The following ZPBP variants were observed in gnomAD, a reference collection of about 807,000 sequenced individuals.
The protein encoded by ZPBP is zona pellucida binding protein.
A neutral mutation model predicts 44.8 loss-of-function variants in ZPBP; 26 were observed. That is an observed-to-expected ratio of 0.58 (90% CI 0.43 to 0.81). ZPBP has a LOEUF of 0.81. Among genes scored for constraint, ZPBP ranks in the 30% least tolerant of loss-of-function variants. The pLI is 0.00. For missense variants in ZPBP, 409 were observed against 434.0 expected (o/e 0.94, Z 0.51); for synonymous variants, 174 against 153.2 (o/e 1.14, Z -1.00).
At chr7:49,926,061 G>A (rs1257791149) in intron 1 of ZPBP, among the ~76,000 whole-genome samples, 1 of 152,186 alleles carries the variant, frequency 6.6e-6, no homozygotes, top group Non-Finnish European at 1.5e-5. Context: ...GCAGTTCTGT[G>A]TAGTCACTTG....
the ZPBP span, among the ~76,000 whole-genome samples, chr7:49,844,593 AGATT>A: frequency 6.6e-6 from 1 of 152,242 alleles, no homozygotes; most frequent in Non-Finnish European, 1.5e-5. Context: ...GCAGCATGGA[AGATT>A]GTGAGAGCCC....
chr7:49,935,245 T>C (rs1466679803), downstream of ZPBP, among the ~76,000 whole-genome samples: 1 of 152,212 alleles, frequency 6.6e-6, no homozygotes, highest in Admixed American at 6.5e-5. Context: ...TATCCTAGTA[T>C]AATTGAATGT....
At position 49,962,680 on chromosome 7, in the gene ZPBP, T is replaced by A. The variant is rs149718317; in HGVS notation, c.961+20662A>T. ...GAGCAAATAGATCTTAAGAAAAAAG[T>A]AAAATTGTCTTTATTCTTGTGGAAT... is the stretch of plus-strand genomic sequence containing the variant. On this transcript the variant is annotated intron_variant, in intron 7 of 7. Transcript: ENST00000046087. 4.6e-5 allele frequency among the ~76,000 whole-genome samples: 7 copies of A among 151,990 alleles called. No individual in the cohort carries two copies. In the East Asian group the frequency reaches 1.3e-3, roughly 29 times the overall value.
At chr7:49,992,935 G>A (rs1170229666) in intron 6 of ZPBP, among the ~76,000 whole-genome samples, 2 of 152,026 alleles carry the variant, frequency 1.3e-5, no homozygotes, top group Non-Finnish European at 2.9e-5. Context: ...ACAATAACAA[G>A]TAGAAAAATA....
intron 1 of ZPBP, among the ~76,000 whole-genome samples, chr7:50,090,389 A>C (rs1333324764): frequency 6.6e-6 from 1 of 152,006 alleles, no homozygotes; most frequent in East Asian, 1.9e-4. Flanking sequence ...TTAGAATAAT[A>C]GTCTCCAATC....
chr7:50,065,302 C>T (rs571001595), intron 3 of ZPBP, among the ~76,000 whole-genome samples: 12 of 151,058 alleles, frequency 7.9e-5, no homozygotes, highest in Admixed American at 5.3e-4. Context: ...AGATCTAATA[C>T]AGGCCAGAGG....
At chr7:49,954,983 G>A (rs1025692211) in intron 7 of ZPBP, among the ~76,000 whole-genome samples, 1 of 152,112 alleles carries the variant, frequency 6.6e-6, no homozygotes, top group African/African-American at 2.4e-5. Flanking sequence ...TATAGAATAT[G>A]TTTTCTGAAC....
At position 49,983,843 on chromosome 7, in the gene ZPBP, T is replaced by C. The variant is rs184878861; in HGVS notation, c.784-324A>G. On this transcript the variant is annotated intron_variant, in intron 6 of 7. Coordinates refer to ENST00000046087, the MANE Select transcript of ZPBP (RefSeq NM_007009.3). ...CTTTGAAATTGATTAAGAAATGTAA[T>C]GTACTTTAAAATAATATATTATAAG... 4.6e-3 allele frequency among the ~76,000 whole-genome samples: 703 copies of C among 152,132 alleles called. 4 individuals are homozygous for C. The highest frequency in any genetic ancestry group is 0.016 in the African/African-American group (670 of 41,528).
intron 6 of ZPBP, among the ~76,000 whole-genome samples, chr7:50,001,674 C>T (rs889920213): frequency 3.3e-5 from 5 of 152,070 alleles, no homozygotes; most frequent in Non-Finnish European, 4.4e-5. Context: ...CTAAAGAGCA[C>T]AAAACAGATG....
chr7:50,091,305 C>T lies in ZPBP; in HGVS notation c.128-1596G>A, dbSNP rs140827420. 2.4e-3 allele frequency among the ~76,000 whole-genome samples: 372 copies of T among 152,186 alleles called. 1 individual carries two copies. The highest frequency in any genetic ancestry group is 8.2e-3 in the African/African-American group (341 of 41,530). On this transcript the variant is annotated intron_variant, in intron 1 of 7. Transcript: ENST00000046087. Reference sequence around the variant, plus strand: ...TGTCTGTTTACTCTGCTGACTGTTCCGTTTGCTGTGCAAAAGCTCTTTAGT... The same window carrying T: ...TGTCTGTTTACTCTGCTGACTGTTCTGTTTGCTGTGCAAAAGCTCTTTAGT...
At chr7:50,058,828 T>C (rs555521591) in intron 3 of ZPBP, among the ~76,000 whole-genome samples, 3 of 151,230 alleles carry the variant, frequency 2.0e-5, no homozygotes, top group South Asian at 4.2e-4. Flanking sequence ...GAGAAAGCTA[T>C]GTTGTGAAAT....
intron 1 of ZPBP, chr7:49,919,893 A>G (rs981516016): frequency 6.6e-6 from 1 of 152,212 alleles, no homozygotes; most frequent in Non-Finnish European, 1.5e-5. Context: ...ATTATGTTCT[A>G]TATATGTTTT....
chr7:49,907,943 A>G (rs1036714407), intron 1 of ZPBP, among the ~76,000 whole-genome samples: 2 of 151,950 alleles, frequency 1.3e-5, no homozygotes, highest in Admixed American at 1.3e-4. Context: ...AAGGTGCCAG[A>G]CTCTTCATTA....
At chr7:50,053,195 T>C (rs144947251) in intron 4 of ZPBP, among the ~76,000 whole-genome samples, 1 of 152,350 alleles carries the variant, frequency 6.6e-6, no homozygotes, top group East Asian at 1.9e-4. Flanking sequence ...AATGAATACA[T>C]GTGATCTGTC....
intron 6 of ZPBP, among the ~76,000 whole-genome samples, chr7:49,983,730 T>G (rs1273675415): frequency 6.6e-6 from 1 of 152,086 alleles, no homozygotes; most frequent in Non-Finnish European, 1.5e-5. Flanking sequence ...CCAATTACAA[T>G]GCAAAGAAAT....
At chr7:50,041,408 G>A (rs933005370) in intron 4 of ZPBP, among the ~76,000 whole-genome samples, 1 of 152,154 alleles carries the variant, frequency 6.6e-6, no homozygotes, top group Non-Finnish European at 1.5e-5. Context: ...ATACAGGAGA[G>A]CTCCGGCTGG....
At chr7:50,027,489 T>C (rs1429527382) in intron 5 of ZPBP, among the ~76,000 whole-genome samples, 1 of 152,052 alleles carries the variant, frequency 6.6e-6, no homozygotes, top group Non-Finnish European at 1.5e-5. Context: ...GAAGGAAATG[T>C]ATGGGTGTAA....
At chr7:49,846,714 T>C (rs1289737337), downstream of ZPBP, among the ~76,000 whole-genome samples, 1 of 152,240 alleles carries the variant, frequency 6.6e-6, no homozygotes, top group Non-Finnish European at 1.5e-5. Flanking sequence ...AAAGAGCAGA[T>C]AATGCTTAAC....
At chr7:49,986,892 A>G (rs1797309213) in intron 6 of ZPBP, among the ~76,000 whole-genome samples, 1 of 152,214 alleles carries the variant, frequency 6.6e-6, no homozygotes, top group Admixed American at 6.5e-5. Flanking sequence ...TAGGCCCTCT[A>G]TTAAAGACAG....
Sources: gnomAD v4.1 joint callset for allele counts (sites outside exome capture counted in the v4.1 genomes callset) on GRCh38, gnomAD v4.1.1 for gene constraint, MANE v1.5 for transcripts, NCBI Gene and HGNC (gene_info 2026-07-23, HGNC 2026-07-21) for gene names.